The following CFAP46 variants were observed in gnomAD, a reference collection of about 807,000 sequenced individuals.
CFAP46 encodes cilia- and flagella-associated protein 46.
Under a neutral mutation model 325.7 loss-of-function variants are expected in CFAP46, and 245 were observed. The observed-to-expected ratio is 0.75, with a 90% CI of 0.68 to 0.84. The LOEUF is 0.84. CFAP46 is among the 40% of genes least tolerant of loss of function. The probability of loss-of-function intolerance (pLI) is 0.00; values close to 1 mark genes in which losing one functional copy is unlikely to be tolerated. For synonymous variants in CFAP46, 1,523 were observed against 1,495.9 expected, an observed-to-expected ratio of 1.02 and a Z score of -0.42; for missense variants, 3,346 against 3,543.0, an observed-to-expected ratio of 0.94 and a Z score of 1.41.
intron 27 of CFAP46, 125 bp from the exon 28 acceptor site, chr10:132,881,157 T>C (rs879269660): frequency 1.6e-5 from 15 of 927,874 alleles, no homozygotes; most frequent in Non-Finnish European, 2.3e-5. Flanking sequence ...ACAGTGATCA[T>C]TTGCAGGCCG....
intron 20 of CFAP46, among the ~76,000 whole-genome samples, chr10:132,909,616 T>A (rs1849510560): frequency 6.6e-6 from 1 of 152,090 alleles, no homozygotes. Context: ...AGGCCCCTCC[T>A]CCATCTGGCT....
In CFAP46 at chr10:132,877,056, A is replaced by G; in HGVS notation, c.4213-95T>C. ...GGCATGGCTGTGCAGCATTCAGGCC[A>G]CAGCCCTGGGCAGCCGGCATCCTCC... On this transcript the variant is annotated intron_variant, in intron 30 of 57. Coordinates refer to ENST00000368586, the MANE Select transcript of CFAP46 (RefSeq NM_001200049.3). This position sits in a 1 kb window ranked among gnomAD's most constrained non-coding sequence, Gnocchi z 5.7. 1 of 1,337,064 alleles carries G rather than the reference A, an allele frequency of 7.5e-7. No individual in the cohort carries two copies. Among genetic ancestry groups the G allele is most frequent in the Non-Finnish European group, 1.0e-6 (1 of 980,106 alleles). 82.8% of individuals were successfully genotyped at this position (1,337,064 alleles called of 1,614,324 possible).
rs1376437356 is a variant in CFAP46, at chr10:132,825,011, A to ATG, written c.7117+8345_7117+8346dup. Among the ~76,000 whole-genome samples the ATG allele has an allele frequency of 3.0e-4, 26 of 85,432 alleles. No individual in the cohort carries two copies. In the South Asian group the frequency reaches 0.011, roughly 36 times the overall value. The allele number at this position is 85,432 out of a possible 152,430, so 56.0% of individuals were successfully genotyped here. A position where few individuals can be genotyped will look rare whatever the true frequency, so the allele number is the denominator to read the frequency against. ...GTGCTGTGTGTGCTGATGTGTGCTG[A>ATG]TGTGTGCACTGTGTGCTGTGTGTGT... On this transcript the variant is annotated intron_variant, in intron 50 of 57. Transcript: ENST00000368586.
At chr10:132,910,160 G>T in intron 19 of CFAP46, 92 bp from the exon 20 acceptor site, 1 of 1,220,716 alleles carries the variant, frequency 8.2e-7, no homozygotes, top group Non-Finnish European at 1.1e-6. Context: ...GATGGAGCCC[G>T]CTCCTGATCC....
intron 8 of CFAP46, among the ~76,000 whole-genome samples, chr10:132,931,030 G>A (rs1849891236): frequency 9.5e-6 from 1 of 105,664 alleles, no homozygotes; most frequent in Non-Finnish European, 1.9e-5. Context: ...ACAAAACCTG[G>A]GCCTCCCCAC....
At chr10:132,848,556 AG>A (rs1307544328) in intron 41 of CFAP46, among the ~76,000 whole-genome samples, 2 of 106,938 alleles carry the variant, frequency 1.9e-5, no homozygotes, top group African/African-American at 3.5e-5. Context: ...GGGTTGTGGG[AG>A]GGGGTGGGGG....
chr10:132,900,728 G>A (rs903434895), intron 22 of CFAP46, among the ~76,000 whole-genome samples: 20 of 152,246 alleles, frequency 1.3e-4, no homozygotes, highest in African/African-American at 3.1e-4. Flanking sequence ...GGGTACTGCC[G>A]TCCTAAACAT....
In CFAP46 at chr10:132,941,046, A is replaced by G. The variant is rs757904661; in HGVS notation, c.321T>C (p.Asn107=). 5 of 1,614,080 alleles carry G rather than the reference A, an allele frequency of 3.1e-6. No homozygotes were observed. The Admixed American group carries it at 6.7e-5, about 22-fold the overall frequency. The change falls in exon 4 of 58, where the codon AAT becomes AAC. Residue 107 remains asparagine, a synonymous_variant. Transcript: ENST00000368586. The stretch of plus-strand genomic sequence containing the variant: ...TGGCCTTCATGTACTCAGTCACGCA[A>G]TTTTCAAATTCCTCCTAAGGCAACA... ...KSAENLEEFE[N]CVTEYMKAIN...
Position 132,866,935 on chromosome 10 carries a change from T to C in CFAP46, c.4743+440A>G, listed in dbSNP as rs143261060. Among the ~76,000 whole-genome samples, 1,409 of 152,254 alleles carry C rather than the reference T, an allele frequency of 9.3e-3. 12 individuals are homozygous for C. The highest frequency in any genetic ancestry group is 0.044 in the South Asian group (210 of 4,818). On this transcript the variant is annotated intron_variant, in intron 34 of 57. Transcript: ENST00000368586. ...GATGACCGGGACCTCCAGGCGGAGCTCCCTCTTCGCTGCCCCCACCTTCTC... is the reference window on the plus strand; with the variant it reads ...GATGACCGGGACCTCCAGGCGGAGCCCCCTCTTCGCTGCCCCCACCTTCTC...
In CFAP46 at chr10:132,941,601, G is replaced by T; in HGVS notation, c.296C>A (p.Ala99Glu). 6.2e-7 allele frequency: 1 copy of T among 1,612,696 alleles called. No individual in the cohort carries two copies. The highest frequency in any genetic ancestry group is 8.5e-7 in the Non-Finnish European group (1 of 1,179,246). Residue 99 changes from alanine (A) to glutamate (E), a missense_variant, in exon 3 of 58, where the codon GCA (alanine) becomes GAA (glutamate). Transcript: ENST00000368586. The part of the protein sequence containing the change: ...CRAQMCAPKS[A>E]ENLEEFENCV... ...CAGGACGCCTCTCACCAGGTTTTCT[G>T]CCGACTTCGGGGCACACATCTGGGC...
Position 132,877,500 on chromosome 10 carries a change from C to T in CFAP46, c.4212+381G>A, listed in dbSNP as rs1370208167. Among the ~76,000 whole-genome samples the T allele has an allele frequency of 6.6e-6, 1 of 152,252 alleles. No individual in the cohort carries two copies. Among genetic ancestry groups the T allele is most frequent in the Non-Finnish European group, 1.5e-5 (1 of 68,048 alleles). Reference sequence around the variant, plus strand: ...CCCAGGCCCTGGGCTGTGTCTGCTGCCATGGCCTCTGAGCCTGGCAGACCT... The same window carrying T: ...CCCAGGCCCTGGGCTGTGTCTGCTGTCATGGCCTCTGAGCCTGGCAGACCT... On this transcript the variant is annotated intron_variant, in intron 30 of 57. Transcript: ENST00000368586. The surrounding 1 kb of genome is among the most constrained non-coding windows in gnomAD (Gnocchi z 5.7).
intron 4 of CFAP46, 81 bp from the exon 5 acceptor site, chr10:132,938,834 T>C: frequency 7.2e-7 from 1 of 1,393,232 alleles, no homozygotes; most frequent in South Asian, 1.3e-5. Context: ...CCGCTGTGTC[T>C]CCGGAGCCCC....
intron 13 of CFAP46, among the ~76,000 whole-genome samples, chr10:132,921,768 A>C (rs1849725484): frequency 6.6e-6 from 1 of 152,200 alleles, no homozygotes; most frequent in Admixed American, 6.5e-5. Flanking sequence ...GGCGTCCACA[A>C]GCCAAGGAAG....
intron 50 of CFAP46, among the ~76,000 whole-genome samples, chr10:132,820,168 C>T (rs1847766230): frequency 6.6e-6 from 1 of 152,276 alleles, no homozygotes; most frequent in Admixed American, 6.5e-5. Context: ...GAGCAGGTCT[C>T]AGCCTTAGCA....
Position 132,919,402 on chromosome 10 carries a change from G to A in CFAP46, c.1771C>T (p.Gln591Ter), listed in dbSNP as rs979576299. 2 of 1,550,202 alleles carry A rather than the reference G, an allele frequency of 1.3e-6. No homozygotes were observed. Among genetic ancestry groups the A allele is most frequent in the East Asian group, 2.4e-5 (1 of 40,906 alleles). ...GTCCGACAGACGTCCCACACGCCTT[G>A]TTTCCGGGCCACTTTGGCCAGCTCT... ...WAELAKVARK[Q>*]GVWDVCRTAS... Residue 591 changes from glutamine (Q) to a stop codon, truncating the protein, a stop_gained, in exon 15 of 58, where the codon CAA becomes TAA. Transcript: ENST00000368586. LOFTEE classifies it high-confidence loss of function. The surrounding 1 kb of genome is among the most constrained non-coding windows in gnomAD (Gnocchi z 9.7).
intron 38 of CFAP46, 98 bp downstream of exon 38, chr10:132,858,973 G>A: frequency 1.5e-6 from 2 of 1,309,288 alleles, no homozygotes; most frequent in South Asian, 1.4e-5. Context: ...CGGGGGTGCA[G>A]CCGGGGTGAG....
At chr10:132,845,323 G>A (rs1199104737) in intron 44 of CFAP46, among the ~76,000 whole-genome samples, 2 of 152,200 alleles carry the variant, frequency 1.3e-5, no homozygotes, top group African/African-American at 4.8e-5. Context: ...GGGCCATGTT[G>A]CGCCCACTGG....
rs967289512 is a variant in CFAP46 at position 132,848,461 on chromosome 10, G to A, written c.5953-1140C>T. ...GAGGGAGGGCAGCAGAGAAGCCTTC[G>A]TTCTCCAGGTCATCAGCCGGCTGCC... On this transcript the variant is annotated intron_variant, in intron 41 of 57. Transcript: ENST00000368586. Among the ~76,000 whole-genome samples, 12 of 151,010 alleles carry A rather than the reference G, an allele frequency of 7.9e-5. No homozygotes were observed. In the South Asian group the frequency reaches 2.1e-3, roughly 26 times the overall value.
rs1848211276 is a variant in CFAP46 at position 132,834,782 on chromosome 10, C to T, written c.6745-7G>A. On this transcript the variant is annotated splice_region_variant and splice_polypyrimidine_tract_variant and intron_variant, in intron 47 of 57. Coordinates refer to ENST00000368586, the MANE Select transcript of CFAP46 (RefSeq NM_001200049.3). ...CCTGCAGGCCTTCTGGTTCCTACCG[C>T]AATCCAAAAAAGAGGCCCCCGTAGC... The T allele has an allele frequency of 6.2e-7, 1 of 1,607,638 alleles. No homozygotes were observed.
Sources: gnomAD v4.1 joint callset for allele counts (sites outside exome capture counted in the v4.1 genomes callset) on GRCh38, gnomAD v4.1.1 for gene constraint, Gnocchi (gnomAD v3.1) non-coding constraint, MANE v1.5 for transcripts, NCBI Gene and HGNC (gene_info 2026-07-23, HGNC 2026-07-21) for gene names.